The following ASB17 variants were observed in gnomAD, a reference collection of about 807,000 sequenced individuals.
ASB17 encodes the protein ankyrin repeat and SOCS box protein 17.
Under a neutral mutation model 25.7 loss-of-function variants are expected in ASB17, and 26 were observed. The ratio of observed to expected loss-of-function variants is 1.01; its 90% CI spans 0.74 to 1.40. ASB17 has a LOEUF of 1.40. ASB17 is among the 40% of genes most tolerant of loss of function. The pLI, the probability that ASB17 is intolerant of heterozygous loss-of-function variation, is 0.00. For missense variants in ASB17, 326 were observed against 338.5 expected (o/e 0.96, Z 0.29); for synonymous variants, 128 against 121.4 (o/e 1.05, Z -0.36).
At chr1:75,928,820 T>G (rs1653241931) in intron 1 of ASB17, among the ~76,000 whole-genome samples, 1 of 152,218 alleles carries the variant, frequency 6.6e-6, no homozygotes, top group Non-Finnish European at 1.5e-5. Flanking sequence ...GACATAGTTC[T>G]ACACACTCTA....
chr1:75,920,349 G>A (rs1652994657), intron 2 of ASB17, among the ~76,000 whole-genome samples: 1 of 152,236 alleles, frequency 6.6e-6, no homozygotes. Context: ...TACTCCACAG[G>A]CTACATGATA....
chr1:75,924,564 G>A (rs1452966566), intron 1 of ASB17, among the ~76,000 whole-genome samples: 2 of 151,664 alleles, frequency 1.3e-5, no homozygotes, highest in African/African-American at 4.8e-5. Context: ...AAAGAGAAAG[G>A]ATATATATGT....
Position 75,922,153 on chromosome 1 carries a change from A to G in ASB17, c.608T>C (p.Ile203Thr), listed in dbSNP as rs1653042727. 1 of 1,613,870 alleles carries G rather than the reference A, an allele frequency of 6.2e-7. No homozygotes were observed. The highest frequency in any genetic ancestry group is 1.3e-5 in the African/African-American group (1 of 75,036). Residue 203 changes from isoleucine to threonine, a missense_variant, in exon 2 of 3, where the codon ATC (isoleucine) becomes ACC (threonine). Ile to Thr is a moderately conservative substitution (Grantham distance 89). Transcript: ENST00000284142. The stretch of plus-strand genomic sequence containing the variant: ...CAAACATGTTTTGGCATCTTCATGG[A>G]TGTCAGCCAATTCACGATCAACCAT... The part of the protein sequence containing the change: ...RVMVDRELAD[I>T]HEDAKTCLVL...
At chr1:75,931,743 A>C in intron 1 of ASB17, 148 bp downstream of exon 1, 1 of 590,362 alleles carries the variant, frequency 1.7e-6, no homozygotes, top group Non-Finnish European at 2.8e-6. Context: ...TAAAAGAGTG[A>C]AGGAGTGAAC....
At chr1:75,928,464 C>G (rs1653231271) in intron 1 of ASB17, among the ~76,000 whole-genome samples, 1 of 151,986 alleles carries the variant, frequency 6.6e-6, no homozygotes, top group Non-Finnish European at 1.5e-5. Flanking sequence ...AAGTTTCTTC[C>G]CCTCGTTAAT....
chr1:75,922,182 T>A lies in ASB17; in HGVS notation c.579A>T (p.Arg193Ser), dbSNP rs1335253173. 6.2e-7 allele frequency: 1 copy of A among 1,613,740 alleles called. No homozygotes were observed. Among genetic ancestry groups the A allele is most frequent in the Non-Finnish European group, 8.5e-7 (1 of 1,179,804 alleles). Residue 193 changes from arginine to serine, a missense_variant, in exon 2 of 3, where the codon AGA (arginine) becomes AGT (serine). Physicochemically the swap from Arg to Ser is moderately radical, Grantham distance 110. Coordinates refer to ENST00000284142, the MANE Select transcript of ASB17 (RefSeq NM_080868.3). ...LTIVLYPSRV[R>S]VMVDRELADI... is the part of the protein sequence containing the mutation. ...CAGCCAATTCACGATCAACCATTAC[T>A]CTTACTCTCGAAGGGTAGAGTACTA... is the stretch of plus-strand genomic sequence containing the variant.
intron 1 of ASB17, among the ~76,000 whole-genome samples, chr1:75,925,187 A>AT (rs1417474978): frequency 3.3e-5 from 5 of 152,126 alleles, no homozygotes; most frequent in Non-Finnish European, 5.9e-5. Flanking sequence ...ATAGTAAAAA[A>AT]TTCCCTGAGT....
chr1:75,924,318 C>G (rs1653112280), intron 1 of ASB17, among the ~76,000 whole-genome samples: 2 of 152,014 alleles, frequency 1.3e-5, no homozygotes, highest in Middle Eastern at 3.2e-3. Flanking sequence ...AGCCCTTACC[C>G]CCTGCTGGAT....
chr1:75,930,062 G>A (rs1037667297), intron 1 of ASB17, among the ~76,000 whole-genome samples: 1 of 151,762 alleles, frequency 6.6e-6, no homozygotes, highest in Admixed American at 6.6e-5. Context: ...ATAGAAGGGA[G>A]TTCAGAGCTC....
At chr1:75,929,508 C>G (rs1477772801) in intron 1 of ASB17, among the ~76,000 whole-genome samples, 1 of 152,126 alleles carries the variant, frequency 6.6e-6, no homozygotes, top group Admixed American at 6.5e-5. Flanking sequence ...CGTGAGCCAT[C>G]GTGCCCAGCT....
chr1:75,924,368 T>C (rs1317651712), intron 1 of ASB17, among the ~76,000 whole-genome samples: 1 of 152,164 alleles, frequency 6.6e-6, no homozygotes, highest in Non-Finnish European at 1.5e-5. Context: ...GGAAAGTCAC[T>C]GGACCAACTA....
chr1:75,924,871 T>C (rs1256171395), intron 1 of ASB17, among the ~76,000 whole-genome samples: 3 of 152,026 alleles, frequency 2.0e-5, no homozygotes, highest in Non-Finnish European at 4.4e-5. Context: ...TAATAAACTG[T>C]TTTGTGAACT....
At chr1:75,921,786 A>G (rs909230852) in intron 2 of ASB17, among the ~76,000 whole-genome samples, 11 of 152,234 alleles carry the variant, frequency 7.2e-5, no homozygotes, top group African/African-American at 2.4e-4. Context: ...TTTTGTTTTT[A>G]AAGGACAGAG....
At chr1:75,925,722 A>G (rs1653152293) in intron 1 of ASB17, among the ~76,000 whole-genome samples, 1 of 152,198 alleles carries the variant, frequency 6.6e-6, no homozygotes, top group Admixed American at 6.5e-5. Flanking sequence ...ATGGGGCATA[A>G]TATTTCCATA....
chr1:75,927,567 A>G (rs922510670), intron 1 of ASB17, among the ~76,000 whole-genome samples: 3 of 152,112 alleles, frequency 2.0e-5, no homozygotes, highest in Non-Finnish European at 4.4e-5. Flanking sequence ...TCTCCCCTCA[A>G]AACTATTATA....
At chr1:75,921,431 C>T (rs1201289530) in intron 2 of ASB17, among the ~76,000 whole-genome samples, 3 of 152,122 alleles carry the variant, frequency 2.0e-5, no homozygotes, top group African/African-American at 7.2e-5. Context: ...GTAGCTTTCT[C>T]TCTATTAAAC....
rs1274434350 is a variant in ASB17, at chr1:75,922,299, T to C, written c.462A>G (p.Val154=). Residue 154 remains valine, a synonymous_variant, in exon 2 of 3, where the codon GTA becomes GTG. Transcript: ENST00000284142. The stretch of plus-strand genomic sequence containing the variant: ...AGATATTAGACTGTCTTGTCTGAGC[T>C]ACATAAAAGAGAGGTGTGATGCCAC... The part of the protein sequence containing the change: ...PLSGITPLFY[V]AQTRQSNIFK... 6 of 1,613,412 alleles carry C rather than the reference T, an allele frequency of 3.7e-6. No homozygotes were observed. In the Admixed American group the frequency reaches 8.3e-5, roughly 22 times the overall value.
At chr1:75,930,632 AT>A (rs925119647) in intron 1 of ASB17, among the ~76,000 whole-genome samples, 2 of 152,118 alleles carry the variant, frequency 1.3e-5, no homozygotes, top group Non-Finnish European at 2.9e-5. Flanking sequence ...CTAAGTTGAA[AT>A]TGATTAATTT....
intron 1 of ASB17, among the ~76,000 whole-genome samples, chr1:75,926,489 G>A (rs139093074): frequency 5.9e-5 from 9 of 152,252 alleles, no homozygotes; most frequent in East Asian, 3.9e-4. Context: ...GAAGAATAAC[G>A]GAACCAGCGC....
Sources: allele counts gnomAD v4.1 joint callset (sites outside exome capture counted in the v4.1 genomes callset), GRCh38; gene constraint gnomAD v4.1.1; transcripts MANE v1.5; gene names NCBI Gene and HGNC (gene_info 2026-07-23, HGNC 2026-07-21).